HACD3: variants seen among roughly 807,000 people sequenced by gnomAD.
The protein encoded by HACD3 is 3-hydroxyacyl-CoA dehydratase 3, also known as very-long-chain (3R)-3-hydroxyacyl-CoA dehydratase 3.
In HACD3, 30 loss-of-function variants were observed where a neutral mutation model predicts 55.2. That is an observed-to-expected ratio of 0.54 (90% CI 0.41 to 0.74). The LOEUF (loss-of-function observed/expected upper bound fraction) is 0.74, where lower values mean the gene tolerates loss of function less well. Ranked by LOEUF, HACD3 falls within the 30% of genes least tolerant of loss-of-function variation. The pLI is 0.00. For missense variants in HACD3, 363 were observed against 440.1 expected, an observed-to-expected ratio of 0.82 and a Z score of 1.57; for synonymous variants, 141 against 151.7, an observed-to-expected ratio of 0.93 and a Z score of 0.52.
intron 7 of HACD3, chr15:65,565,876 T>G (rs1279947897): frequency 6.6e-6 from 1 of 152,274 alleles, no homozygotes; most frequent in East Asian, 1.9e-4. Flanking sequence ...ACTTTTATGC[T>G]GTTTCTCTTT....
At position 65,556,753 on chromosome 15, in the gene HACD3, G is replaced by A. The variant is rs1369904162; in HGVS notation, c.219G>A (p.Leu73=). The A allele has an allele frequency of 9.9e-6, 16 of 1,609,124 alleles. No individual in the cohort carries two copies. Among genetic ancestry groups the A allele is most frequent in the Non-Finnish European group, 1.4e-5 (16 of 1,176,952 alleles). ...TTCTCTCCTAGCCTGTTTACAAACT[G>A]ACCCAGAGGCAGGTAAACATTACAG... ...DLVKPEPVYK[L]TQRQVNITVQ... The change falls in exon 4 of 11, where the codon CTG becomes CTA. Residue 73 remains leucine, a synonymous_variant. Transcript: ENST00000261875.
rs777850690 is a variant in HACD3 at position 65,572,259 on chromosome 15, C to G, written c.905C>G (p.Pro302Arg). Residue 302 changes from proline (P) to arginine (R), a missense_variant, in exon 10 of 11, where the codon CCA (proline) becomes CGA (arginine). By Grantham distance (103) the Pro-to-Arg change is moderately radical. Coordinates refer to ENST00000261875, the MANE Select transcript of HACD3 (RefSeq NM_016395.4). ...GCTGTCTCAGTGATTCAGTCCATTC[C>G]AATATTCAATGAGACCGGACGATTC... ...AEAVSVIQSI[P>R]IFNETGRFSF... The G allele has an allele frequency of 8.7e-6, 14 of 1,612,714 alleles. No individual in the cohort carries two copies. The South Asian group carries it at 1.5e-4, about 18-fold the overall frequency.
chr15:65,567,420 T>G (rs530587508), intron 7 of HACD3, among the ~76,000 whole-genome samples: 1 of 152,178 alleles, frequency 6.6e-6, no homozygotes, highest in African/African-American at 2.4e-5. Flanking sequence ...CAGGAAGGAA[T>G]AGAGAGCACA....
chr15:65,572,891 G>A (rs186670609), intron 10 of HACD3, among the ~76,000 whole-genome samples: 1 of 149,184 alleles, frequency 6.7e-6, no homozygotes, highest in African/African-American at 2.5e-5. Flanking sequence ...CTCCACCCTG[G>A]GCGACAGAGC....
At chr15:65,574,195 G>A (rs1811268772) in intron 10 of HACD3, 1 of 152,208 alleles carries the variant, frequency 6.6e-6, no homozygotes, top group Non-Finnish European at 1.5e-5. Context: ...CTGGCTCAGG[G>A]TCTCATGAGG....
intron 1 of HACD3, among the ~76,000 whole-genome samples, chr15:65,538,004 T>C (rs2071981210): frequency 7.3e-6 from 1 of 137,640 alleles, no homozygotes; most frequent in Non-Finnish European, 1.5e-5. Context: ...TATATATGTA[T>C]ATTCCTTTCA....
At chr15:65,563,012 C>T (rs779308355) in intron 6 of HACD3, 128 bp downstream of exon 6, 14 of 1,392,668 alleles carry the variant, frequency 1.0e-5, no homozygotes, top group East Asian at 2.5e-5. Flanking sequence ...CTCTACTTTT[C>T]GTTGTGCTTT....
chr15:65,532,276 T>C (rs568513747), intron 1 of HACD3, among the ~76,000 whole-genome samples: 1 of 152,062 alleles, frequency 6.6e-6, no homozygotes, highest in Non-Finnish European at 1.5e-5. Context: ...CAAAATCTTT[T>C]GTAGATGGGG....
At chr15:65,533,936 C>T (rs544680190) in intron 1 of HACD3, among the ~76,000 whole-genome samples, 105 of 151,764 alleles carry the variant, frequency 6.9e-4, no homozygotes, top group Middle Eastern at 6.8e-3. Context: ...CCTATAGTCC[C>T]AGCTACCAGG....
chr15:65,544,055 TAGTCCC>T (rs2072048290), intron 1 of HACD3, among the ~76,000 whole-genome samples: 6 of 152,042 alleles, frequency 3.9e-5, no homozygotes, highest in Non-Finnish European at 5.9e-5. Context: ...TGGGCGCCTG[TAGTCCC>T]AGCTACTCGG....
At chr15:65,562,057 C>T (rs113881975) in intron 5 of HACD3, among the ~76,000 whole-genome samples, 3 of 152,240 alleles carry the variant, frequency 2.0e-5, no homozygotes, top group South Asian at 2.1e-4. Flanking sequence ...CAGGAACCTC[C>T]GTGTGTTCAG....
chr15:65,531,584 A>C (rs1328271261), intron 1 of HACD3: 2 of 150,626 alleles, frequency 1.3e-5, no homozygotes, highest in African/African-American at 4.9e-5. Flanking sequence ...CTTTTTTTTG[A>C]GACGGTGTTT....
intron 7 of HACD3, chr15:65,565,123 CT>C (rs1374643403): frequency 6.6e-6 from 1 of 152,274 alleles, no homozygotes; most frequent in African/African-American, 2.4e-5. Flanking sequence ...CCAGGTCACG[CT>C]GATGCAAAAG....
At chr15:65,565,402 G>T (rs992924104) in intron 7 of HACD3, 2 of 152,274 alleles carry the variant, frequency 1.3e-5, no homozygotes, top group Non-Finnish European at 2.9e-5. Context: ...TCTCCATGAG[G>T]GCCCCATCCC....
intron 10 of HACD3, among the ~76,000 whole-genome samples, chr15:65,576,043 G>A (rs1473426903): frequency 2.0e-5 from 3 of 152,216 alleles, no homozygotes; most frequent in African/African-American, 7.2e-5. Context: ...GCAGTGAGCT[G>A]AGATTGTGCC....
intron 3 of HACD3, 123 bp downstream of exon 3, chr15:65,555,083 C>G (rs554985056): frequency 2.6e-6 from 2 of 776,564 alleles, no homozygotes; most frequent in South Asian, 3.5e-5. Flanking sequence ...TAATAGAGTT[C>G]TTTTATTTGG....
chr15:65,576,472 T>C lies in HACD3; in HGVS notation c.*93T>C. ...AACCAATGTAAAAGTTTTTTTAATG[T>C]TAAATGATTAAATTCTCAGTGAGGC... On this transcript the variant is annotated 3_prime_UTR_variant, in exon 11 of 11. Coordinates refer to ENST00000261875, the MANE Select transcript of HACD3 (RefSeq NM_016395.4). The C allele has an allele frequency of 7.8e-7, 1 of 1,275,286 alleles. No homozygotes were observed. The highest frequency in any genetic ancestry group is 1.1e-6 in the Non-Finnish European group (1 of 931,220). 79.0% of individuals were successfully genotyped at this position (1,275,286 alleles called of 1,614,324 possible).
intron 1 of HACD3, among the ~76,000 whole-genome samples, chr15:65,541,761 G>T (rs1030536763): frequency 6.6e-6 from 1 of 152,104 alleles, no homozygotes; most frequent in African/African-American, 2.4e-5. Context: ...CCCAAAAGGG[G>T]GAATTAGAAG....
intron 1 of HACD3, among the ~76,000 whole-genome samples, chr15:65,549,642 A>T (rs902339764): frequency 7.3e-5 from 11 of 151,506 alleles, no homozygotes; most frequent in Admixed American, 5.3e-4. Context: ...AAGACCCACC[A>T]AAGGTGTAAC....
Sources: allele counts gnomAD v4.1 joint callset (sites outside exome capture counted in the v4.1 genomes callset), GRCh38; gene constraint gnomAD v4.1.1; transcripts MANE v1.5; gene names NCBI Gene and HGNC (gene_info 2026-07-23, HGNC 2026-07-21).